The following MIDEAS variants were observed in gnomAD, a reference collection of about 807,000 sequenced individuals.
MIDEAS encodes the protein mitotic deacetylase-associated SANT domain protein.
MIDEAS carries 26 observed loss-of-function variants against 102.7 expected under a neutral mutation model. The ratio of observed to expected loss-of-function variants is 0.25; its 90% CI spans 0.19 to 0.35. The LOEUF is 0.35. Ranked by LOEUF, MIDEAS falls within the 10% of genes least tolerant of loss-of-function variation. The pLI is 1.00. For synonymous variants in MIDEAS, 585 were observed against 591.0 expected (o/e 0.99, Z 0.15); for missense variants, 1,231 against 1,435.6 (o/e 0.86, Z 2.30).
chr14:73,784,689 TTC>T (rs1315644688), intron 1 of MIDEAS, among the ~76,000 whole-genome samples: 2 of 152,190 alleles, frequency 1.3e-5, no homozygotes, highest in Non-Finnish European at 2.9e-5. Flanking sequence ...AACCAGGACC[TTC>T]ACAGTCAAGA....
At chr14:73,726,758 G>A (rs752610639) in intron 6 of MIDEAS, 51 bp from the exon 7 acceptor site, 20 of 1,612,104 alleles carry the variant, frequency 1.2e-5, no homozygotes, top group South Asian at 5.5e-5. Context: ...CGTTCAGGGC[G>A]GGGCTGGGCA....
Position 73,738,885 on chromosome 14 carries a change from A to G in MIDEAS, c.1124T>C (p.Leu375Pro). Residue 375 changes from leucine to proline, a missense_variant, in exon 2 of 13, where the codon CTG (leucine) becomes CCG (proline). By Grantham distance (98) the Leu-to-Pro change is moderately conservative. Coordinates refer to ENST00000423556, the MANE Select transcript of MIDEAS (RefSeq NM_001367710.1). The stretch of plus-strand genomic sequence containing the variant: ...CTGCAGGGGCCAGTGATGTAGGAAC[A>G]GGTTGCCAGTGGCCTCCTGCCCAGG... Reference protein sequence around the residue: ...TQPGQEATGNLFLHHWPLQQP... With the variant: ...TQPGQEATGNPFLHHWPLQQP... 6.4e-7 allele frequency: 1 copy of G among 1,551,492 alleles called. No homozygotes were observed. The highest frequency in any genetic ancestry group is 8.7e-7 in the Non-Finnish European group (1 of 1,148,928).
At chr14:73,730,517 T>G (rs1286913941) in intron 3 of MIDEAS, among the ~76,000 whole-genome samples, 3 of 152,224 alleles carry the variant, frequency 2.0e-5, no homozygotes, top group African/African-American at 7.2e-5. Flanking sequence ...GGGGTAACCA[T>G]GAGGACTGCA....
At chr14:73,720,687 A>G (rs1194008717) in intron 11 of MIDEAS, among the ~76,000 whole-genome samples, 1 of 152,194 alleles carries the variant, frequency 6.6e-6, no homozygotes, top group Non-Finnish European at 1.5e-5. Context: ...TTGGCCTGTG[A>G]TATGGTGGAC....
chr14:73,752,152 CGAGTA>C (rs750504666), intron 1 of MIDEAS, among the ~76,000 whole-genome samples: 1 of 152,214 alleles, frequency 6.6e-6, no homozygotes, highest in Admixed American at 6.5e-5. Flanking sequence ...TCGCACATCC[CGAGTA>C]GAGGAGACAG....
chr14:73,745,551 C>T (rs1199088554), intron 1 of MIDEAS, among the ~76,000 whole-genome samples: 1 of 152,232 alleles, frequency 6.6e-6, no homozygotes, highest in Admixed American at 6.5e-5. Context: ...CTCATCTGGG[C>T]TCACATCCTG....
chr14:73,730,999 TC>T (rs2053131391), intron 3 of MIDEAS, among the ~76,000 whole-genome samples: 1 of 152,192 alleles, frequency 6.6e-6, no homozygotes, highest in African/African-American at 2.4e-5. Flanking sequence ...GAATGGACAG[TC>T]CTTGTCCTTG....
At position 73,718,858 on chromosome 14, in the gene MIDEAS, C is replaced by A. The variant is rs555202145; in HGVS notation, c.3285G>T (p.Ala1095=). 52 of 1,492,430 alleles carry A rather than the reference C, an allele frequency of 3.5e-5. No individual in the cohort carries two copies. The Admixed American group carries it at 1.2e-3, about 34-fold the overall frequency. The allele number at this position is 1,492,430 out of a possible 1,614,324, so 92.4% of individuals were successfully genotyped here. ...GCTCCCGCGCTCAGCCCTTGTCGCCCGCACCGCTCTCCTCCCGCAGGGCCT... is the reference window on the plus strand; with the variant it reads ...GCTCCCGCGCTCAGCCCTTGTCGCCAGCACCGCTCTCCTCCCGCAGGGCCT... ...HQQALREESG[A]GDKG The change falls in exon 13 of 13, where the codon GCG becomes GCT. Residue 1095 remains alanine, a synonymous_variant. Transcript: ENST00000423556.
chr14:73,782,785 C>G (rs903365382), intron 1 of MIDEAS, among the ~76,000 whole-genome samples: 1 of 152,150 alleles, frequency 6.6e-6, no homozygotes, highest in African/African-American at 2.4e-5. Context: ...CAAAAGGAGC[C>G]AGGGCCAAAG....
In MIDEAS at chr14:73,738,750, C is replaced by T; in HGVS notation, c.1259G>A (p.Gly420Asp). ...LPDGERLAPN[G>D]REREAPAMGS... The stretch of plus-strand genomic sequence containing the variant: ...CATGGCAGGAGCCTCTCGCTCCCGG[C>T]CATTGGGTGCTAGTCTCTCCCCATC... Residue 420 changes from glycine (G) to aspartate (D), a missense_variant, in exon 2 of 13, where the codon GGC (glycine) becomes GAC (aspartate). Physicochemically the swap from Gly to Asp is moderately conservative, Grantham distance 94. Transcript: ENST00000423556. 2 of 1,610,042 alleles carry T rather than the reference C, an allele frequency of 1.2e-6. No individual in the cohort carries two copies. Among genetic ancestry groups the T allele is most frequent in the Middle Eastern group, 1.7e-4 (1 of 6,042 alleles).
chr14:73,720,279 C>T (rs1474980919), intron 11 of MIDEAS, among the ~76,000 whole-genome samples: 3 of 145,794 alleles, frequency 2.1e-5, no homozygotes, highest in African/African-American at 7.7e-5. Context: ...TGCTATGTCA[C>T]CCAGGCTGGA....
chr14:73,734,323 A>C (rs992272302), intron 3 of MIDEAS, among the ~76,000 whole-genome samples: 1 of 152,204 alleles, frequency 6.6e-6, no homozygotes, highest in Non-Finnish European at 1.5e-5. Flanking sequence ...TTCTTGACCA[A>C]AGAGCTAAGT....
upstream of MIDEAS, among the ~76,000 whole-genome samples, chr14:73,788,718 A>C (rs552369851): frequency 6.6e-6 from 1 of 152,312 alleles, no homozygotes; most frequent in South Asian, 2.1e-4. Flanking sequence ...ACATCACGCT[A>C]TTGTGGGGAG....
At position 73,739,466 on chromosome 14, in the gene MIDEAS, T is replaced by A. The variant is rs201624772; in HGVS notation, c.543A>T (p.Pro181=). 1 of 1,604,408 alleles carries A rather than the reference T, an allele frequency of 6.2e-7. No individual in the cohort carries two copies. Among genetic ancestry groups the A allele is most frequent in the Non-Finnish European group, 8.5e-7 (1 of 1,174,726 alleles). The stretch of plus-strand genomic sequence containing the variant: ...CCAGCTGCACCTTCTGTGGCATCAT[T>A]GGTCGCACATAGCGGTCCAGCTGTG... ...GGPQLDRYVR[P]MMPQKVQLEV... is the part of the protein sequence containing the mutation. Residue 181 remains proline, a synonymous_variant, in exon 2 of 13, where the codon CCA becomes CCT. Transcript: ENST00000423556.
In MIDEAS at chr14:73,718,992, T is replaced by C; in HGVS notation, c.3151A>G (p.Lys1051Glu). The C allele has an allele frequency of 1.3e-6, 2 of 1,494,854 alleles. No individual in the cohort carries two copies. Among genetic ancestry groups the C allele is most frequent in the Middle Eastern group, 1.7e-4 (1 of 5,780 alleles). 92.6% of individuals were successfully genotyped at this position (1,494,854 alleles called of 1,614,324 possible). The stretch of plus-strand genomic sequence containing the variant: ...CTCTTCATATGCGCACTGCGGCTCT[T>C]CACCTTGTAAAACACCCTGCAGCCG... ...KKCGRVFYKV[K>E]SRSAHMKSHA... is the part of the protein sequence containing the mutation. Residue 1051 changes from lysine to glutamate, a missense_variant, in exon 13 of 13, where the codon AAG becomes GAG. This residue lies in a region of MIDEAS where 391 missense variants were observed against 483.0 expected (regional missense o/e 0.81). Transcript: ENST00000423556.
upstream of MIDEAS, among the ~76,000 whole-genome samples, chr14:73,788,707 T>C (rs560293399): frequency 1.4e-4 from 22 of 152,362 alleles, no homozygotes; most frequent in Non-Finnish European, 2.4e-4. Flanking sequence ...AAATTCTTCT[T>C]ACATCACGCT....
intron 1 of MIDEAS, among the ~76,000 whole-genome samples, chr14:73,781,434 T>G (rs1595303277): frequency 1.3e-5 from 2 of 152,194 alleles, no homozygotes; most frequent in Admixed American, 6.5e-5. Context: ...TTAAGAACTT[T>G]CAATTAAAAC....
intron 1 of MIDEAS, among the ~76,000 whole-genome samples, chr14:73,776,645 C>T (rs546165306): frequency 7.5e-4 from 114 of 152,082 alleles, no homozygotes; most frequent in African/African-American, 2.6e-3. Flanking sequence ...AGAATGGGCT[C>T]CAAGCTCTAT....
rs565900318 is a variant in MIDEAS, at chr14:73,716,781, G to T, written c.*2062C>A. Reference sequence around the variant, plus strand: ...ATGAATGATGGAGGTTTCTGTTACCGTATGCCCATAAAGGGGCCTGAAACC... The same window carrying T: ...ATGAATGATGGAGGTTTCTGTTACCTTATGCCCATAAAGGGGCCTGAAACC... On this transcript the variant is annotated 3_prime_UTR_variant, in exon 13 of 13. Transcript: ENST00000423556. The T allele has an allele frequency of 1.1e-4, 17 of 151,440 alleles. No individual in the cohort carries two copies. The highest frequency in any genetic ancestry group is 4.1e-4 in the African/African-American group (17 of 40,972). 9.4% of individuals were successfully genotyped at this position (151,440 alleles called of 1,614,324 possible).
Sources: allele counts gnomAD v4.1 joint callset (sites outside exome capture counted in the v4.1 genomes callset), GRCh38; gene constraint gnomAD v4.1.1; regional missense constraint gnomAD v4.1.1; transcripts MANE v1.5; gene names NCBI Gene and HGNC (gene_info 2026-07-23, HGNC 2026-07-21).